ZFAT: variants seen among roughly 807,000 people sequenced by gnomAD.
ZFAT encodes zinc finger protein ZFAT.
Under a neutral mutation model 117.7 loss-of-function variants are expected in ZFAT, and 64 were observed. The observed-to-expected ratio is 0.54, with a 90% confidence interval of 0.44 to 0.67. The LOEUF (loss-of-function observed/expected upper bound fraction) is 0.67, where lower values mean the gene tolerates loss of function less well. ZFAT is among the 30% of genes least tolerant of loss of function. ZFAT has a pLI of 0.00. For missense variants in ZFAT, 1,433 were observed against 1,584.5 expected, an observed-to-expected ratio of 0.90 and a Z score of 1.62; for synonymous variants, 679 against 615.0, an observed-to-expected ratio of 1.10 and a Z score of -1.54.
At chr8:134,479,283 C>T (rs2129987047) in intron 15 of ZFAT, among the ~76,000 whole-genome samples, 1 of 152,366 alleles carries the variant, frequency 6.6e-6, no homozygotes, top group African/African-American at 2.4e-5. Context: ...TCCAGCAACA[C>T]TAATGCCTTA....
At chr8:134,773,287 C>T in the ZFAT span, among the ~76,000 whole-genome samples, 2 of 152,130 alleles carry the variant, frequency 1.3e-5, no homozygotes, top group Admixed American at 6.5e-5. Context: ...GATGACAACA[C>T]ATTTGTTTAC....
intron 12 of ZFAT, among the ~76,000 whole-genome samples, 169 bp from the exon 13 acceptor site, chr8:134,521,170 T>A (rs561621409): frequency 6.7e-6 from 1 of 149,944 alleles, no homozygotes; most frequent in South Asian, 2.1e-4. Context: ...CAACAGTATA[T>A]GTTTTTTCAA....
chr8:134,501,523 C>T (rs1244625543), intron 15 of ZFAT, among the ~76,000 whole-genome samples: 3 of 152,052 alleles, frequency 2.0e-5, no homozygotes, highest in African/African-American at 7.3e-5. Context: ...ACAATAATGA[C>T]AGAAAAAAAC....
the ZFAT span, among the ~76,000 whole-genome samples, chr8:134,776,524 T>G: frequency 3.2e-4 from 49 of 152,188 alleles, no homozygotes; most frequent in African/African-American, 1.0e-3. Context: ...GGCTTCGTTT[T>G]TTGTTGTTGT....
rs188541416 is a variant in ZFAT at position 134,668,116 on chromosome 8, G to A, written c.20-10379C>T. ...GGTAAACATAGCAGCCAGGAAACTC[G>A]AACTGGGTGGAGCCCACCACAGCTC... On this transcript the variant is annotated intron_variant, in intron 1 of 15. Coordinates refer to ENST00000377838, the MANE Select transcript of ZFAT (RefSeq NM_020863.4). 7.8e-3 allele frequency among the ~76,000 whole-genome samples: 1,181 copies of A among 152,302 alleles called. 19 individuals carry two copies. Among genetic ancestry groups the A allele is most frequent in the African/African-American group, 0.027 (1,132 of 41,558 alleles).
upstream of ZFAT, among the ~76,000 whole-genome samples, chr8:134,716,684 A>T (rs539214467): frequency 6.6e-6 from 1 of 152,364 alleles, no homozygotes; most frequent in African/African-American, 2.4e-5. Flanking sequence ...TTTGCATATC[A>T]CAACAACTGT....
intron 13 of ZFAT, among the ~76,000 whole-genome samples, chr8:134,516,554 G>A (rs557207195): frequency 6.6e-6 from 1 of 152,146 alleles, no homozygotes; most frequent in Non-Finnish European, 1.5e-5. Flanking sequence ...GTAGAATAGG[G>A]CTGGGTATGG....
At chr8:134,534,730 A>G (rs1821697098) in intron 11 of ZFAT, among the ~76,000 whole-genome samples, 1 of 143,576 alleles carries the variant, frequency 7.0e-6, no homozygotes, top group Non-Finnish European at 1.5e-5. Flanking sequence ...GAAGGGAGAG[A>G]GAGAAAGAGA....
chr8:134,520,300 G>A (rs996357549), intron 13 of ZFAT, among the ~76,000 whole-genome samples: 4 of 152,152 alleles, frequency 2.6e-5, no homozygotes, highest in African/African-American at 4.8e-5. Context: ...TCAAAATGTC[G>A]ACAGTGCTGA....
At chr8:134,728,469 A>G in the ZFAT span, among the ~76,000 whole-genome samples, 2,968 of 152,296 alleles carry the variant, frequency 0.019, 83 homozygotes, top group African/African-American at 0.066. Context: ...ATAATTCAGC[A>G]GTAGGGTTTA....
the ZFAT span, among the ~76,000 whole-genome samples, chr8:134,799,357 T>C: frequency 6.6e-6 from 1 of 152,152 alleles, no homozygotes; most frequent in Non-Finnish European, 1.5e-5. Flanking sequence ...TTTATACTTG[T>C]TTGTTTTGCT....
intron 1 of ZFAT, among the ~76,000 whole-genome samples, chr8:134,676,016 C>T (rs1321814220): frequency 6.6e-6 from 1 of 152,096 alleles, no homozygotes; most frequent in African/African-American, 2.4e-5. Context: ...ACCATCAATG[C>T]TATGAAGAAA....
chr8:134,507,260 T>C (rs769794068), intron 15 of ZFAT, among the ~76,000 whole-genome samples: 2 of 152,206 alleles, frequency 1.3e-5, no homozygotes, highest in Non-Finnish European at 2.9e-5. Context: ...CAATTTAAAC[T>C]ATACGACAAT....
intron 11 of ZFAT, among the ~76,000 whole-genome samples, chr8:134,556,309 G>A (rs1045829021): frequency 6.6e-6 from 1 of 152,146 alleles, no homozygotes; most frequent in Non-Finnish European, 1.5e-5. Flanking sequence ...ACCAGAATGT[G>A]AGGTGCTATT....
intron 12 of ZFAT, among the ~76,000 whole-genome samples, chr8:134,522,533 A>T (rs571860234): frequency 7.2e-5 from 11 of 152,168 alleles, no homozygotes; most frequent in Non-Finnish European, 1.2e-4. Context: ...ATTTTCTCTC[A>T]GCCTACCCCT....
At chr8:134,608,903 GCTTATTGAGAGGCATCGAAAGTGGGCA>G (rs1563670826) in intron 4 of ZFAT, 24 bp from the exon 5 acceptor site, 3 of 1,592,226 alleles carry the variant, frequency 1.9e-6, no homozygotes, top group Non-Finnish European at 2.6e-6. Flanking sequence ...AAAAGGCATT[GCTTATTGAGAGGCATCGAAAGTGGGCA>G]CTGACCCCAT....
the ZFAT span, chr8:134,794,233 A>G: frequency 6.6e-6 from 1 of 152,226 alleles, no homozygotes; most frequent in Non-Finnish European, 1.5e-5. Context: ...AATATTTAAT[A>G]TAAGATATTT....
chr8:134,546,533 C>T (rs1332897020), intron 11 of ZFAT, among the ~76,000 whole-genome samples: 1 of 152,210 alleles, frequency 6.6e-6, no homozygotes, highest in Non-Finnish European at 1.5e-5. Context: ...TCAGTTACTT[C>T]TGAGACTTAG....
intron 15 of ZFAT, among the ~76,000 whole-genome samples, chr8:134,496,530 C>T (rs1818449693): frequency 6.6e-6 from 1 of 152,236 alleles, no homozygotes; most frequent in African/African-American, 2.4e-5. Context: ...CTGCTCAGCA[C>T]AAGTCACACC....
Sources: gnomAD v4.1 joint callset for allele counts (sites outside exome capture counted in the v4.1 genomes callset) on GRCh38, gnomAD v4.1.1 for gene constraint, MANE v1.5 for transcripts, NCBI Gene and HGNC (gene_info 2026-07-23, HGNC 2026-07-21) for gene names.